The following SLC44A5 variants were observed in gnomAD, a reference collection of about 807,000 sequenced individuals.
SLC44A5 encodes the protein solute carrier family 44 member 5.
In SLC44A5, 57 loss-of-function variants were observed where a neutral mutation model predicts 101.8. That is an observed-to-expected ratio of 0.56 (90% CI 0.45 to 0.70). SLC44A5 has a LOEUF of 0.70. Among genes scored for constraint, SLC44A5 ranks in the 30% least tolerant of loss-of-function variants. SLC44A5 has a pLI of 0.00. For synonymous variants in SLC44A5, 281 were observed against 290.9 expected, an observed-to-expected ratio of 0.97 and a Z score of 0.35; for missense variants, 737 against 853.1, an observed-to-expected ratio of 0.86 and a Z score of 1.70.
chr1:75,297,909 G>A (rs553659401), intron 5 of SLC44A5, among the ~76,000 whole-genome samples: 18 of 151,950 alleles, frequency 1.2e-4, no homozygotes, highest in African/African-American at 4.3e-4. Flanking sequence ...TCCACATAAA[G>A]GGCAAAGAAC....
chr1:75,568,812 T>C (rs115805021), intron 1 of SLC44A5, among the ~76,000 whole-genome samples: 15 of 152,296 alleles, frequency 9.8e-5, no homozygotes, highest in Non-Finnish European at 1.5e-4. Context: ...TGCTTTCAAT[T>C]TCCCTTCACA....
intron 6 of SLC44A5, among the ~76,000 whole-genome samples, chr1:75,267,463 T>G (rs1651093089): frequency 1.3e-5 from 2 of 152,194 alleles, no homozygotes; most frequent in African/African-American, 2.4e-5. Context: ...GGTAGAAACT[T>G]GCAATGCACA....
intron 2 of SLC44A5, among the ~76,000 whole-genome samples, chr1:75,495,403 C>T (rs147221708): frequency 0.011 from 1,656 of 151,842 alleles, 26 homozygotes; most frequent in African/African-American, 0.038. Flanking sequence ...TGCAGTGAGC[C>T]GAGATTGCGC....
the SLC44A5 span, among the ~76,000 whole-genome samples, chr1:75,685,060 C>T: frequency 2.6e-5 from 4 of 152,182 alleles, no homozygotes; most frequent in African/African-American, 9.7e-5. Flanking sequence ...ACTGGCAGGC[C>T]CAAGACCACA....
intron 4 of SLC44A5, among the ~76,000 whole-genome samples, chr1:75,304,134 C>A (rs534610650): frequency 7.9e-5 from 12 of 151,876 alleles, no homozygotes; most frequent in Non-Finnish European, 1.3e-4. Context: ...GCAGACCATA[C>A]CCTATGGCCA....
At chr1:75,641,623 G>A in the SLC44A5 span, 1 of 1,492,288 alleles carries the variant, frequency 6.7e-7, no homozygotes, top group Non-Finnish European at 9.3e-7. Context: ...TTGGGTCACG[G>A]TTCAAAATTG....
chr1:75,498,102 T>C (rs1188584634), intron 2 of SLC44A5, among the ~76,000 whole-genome samples: 1 of 152,164 alleles, frequency 6.6e-6, no homozygotes, highest in Non-Finnish European at 1.5e-5. Flanking sequence ...ATGTATACAT[T>C]AAGACTTTTT....
At chr1:75,342,265 G>A (rs149154982) in intron 3 of SLC44A5, among the ~76,000 whole-genome samples, 8 of 152,238 alleles carry the variant, frequency 5.3e-5, no homozygotes, top group East Asian at 1.9e-4. Flanking sequence ...AGGGACTACC[G>A]TAAGTTCTTT....
At chr1:75,678,184 G>A in the SLC44A5 span, among the ~76,000 whole-genome samples, 11,687 of 152,214 alleles carry the variant, frequency 0.077, 1,510 homozygotes, top group African/African-American at 0.27. Context: ...GAGGCTGGGG[G>A]AGGGGCGCCC....
chr1:75,712,822 A>C, the SLC44A5 span, among the ~76,000 whole-genome samples: 3 of 152,240 alleles, frequency 2.0e-5, no homozygotes, highest in East Asian at 5.8e-4. Flanking sequence ...GAGGGAAAAA[A>C]ATATGAATGC....
chr1:75,213,125 C>T (rs1646891335), intron 22 of SLC44A5, among the ~76,000 whole-genome samples: 1 of 152,196 alleles, frequency 6.6e-6, no homozygotes. Context: ...TGCTACCTAT[C>T]CTGCCCTCCT....
intron 3 of SLC44A5, among the ~76,000 whole-genome samples, chr1:75,391,118 T>C (rs1195206170): frequency 6.6e-6 from 1 of 151,872 alleles, no homozygotes; most frequent in Non-Finnish European, 1.5e-5. Context: ...ATAAAATACC[T>C]AGGAATACAT....
intron 3 of SLC44A5, among the ~76,000 whole-genome samples, chr1:75,376,316 C>G (rs535638042): frequency 1.2e-3 from 182 of 152,282 alleles, no homozygotes; most frequent in South Asian, 4.8e-3. Context: ...CAGGAAGCTC[C>G]AACTGGGTGG....
intron 1 of SLC44A5, among the ~76,000 whole-genome samples, chr1:75,565,742 G>C (rs145950320): frequency 6.6e-6 from 1 of 152,120 alleles, no homozygotes; most frequent in Admixed American, 6.5e-5. Flanking sequence ...TCTAAAATGA[G>C]GGTAATAATT....
At chr1:75,528,595 T>C (rs1670554018) in intron 2 of SLC44A5, among the ~76,000 whole-genome samples, 1 of 152,162 alleles carries the variant, frequency 6.6e-6, no homozygotes, top group Non-Finnish European at 1.5e-5. Flanking sequence ...CTACCCAGTA[T>C]TATTTCCCTC....
At chr1:75,261,598 G>A (rs1650510210) in intron 6 of SLC44A5, among the ~76,000 whole-genome samples, 1 of 152,072 alleles carries the variant, frequency 6.6e-6, no homozygotes, top group South Asian at 2.1e-4. Flanking sequence ...GTACAAAGAA[G>A]AACTGGTACC....
rs1654203895 is a variant in SLC44A5, at chr1:75,298,935, A to G, written c.175+1677T>C. Among the ~76,000 whole-genome samples, 3 of 152,176 alleles carry G rather than the reference A, an allele frequency of 2.0e-5. No individual in the cohort carries two copies. The South Asian group carries it at 6.2e-4, about 31-fold the overall frequency. Reference sequence around the variant, plus strand: ...CAGGTAATGTTTCCACACTTTCCAGATAAGAAAACTGAGGTTGAGTAAGTA... The same window carrying G: ...CAGGTAATGTTTCCACACTTTCCAGGTAAGAAAACTGAGGTTGAGTAAGTA... On this transcript the variant is annotated intron_variant, in intron 5 of 23. Transcript: ENST00000370859.
intron 2 of SLC44A5, among the ~76,000 whole-genome samples, chr1:75,452,249 T>G (rs1665948087): frequency 6.6e-6 from 1 of 152,182 alleles, no homozygotes; most frequent in Non-Finnish European, 1.5e-5. Flanking sequence ...CTATTTTCAG[T>G]GTTCTTAAAG....
At chr1:75,299,695 T>A (rs1053942265) in intron 5 of SLC44A5, among the ~76,000 whole-genome samples, 3 of 151,924 alleles carry the variant, frequency 2.0e-5, no homozygotes, top group Non-Finnish European at 4.4e-5. Context: ...TTCACACTAG[T>A]CCCTTTGGTA....
Sources: gnomAD v4.1 joint callset for allele counts (sites outside exome capture counted in the v4.1 genomes callset) on GRCh38, gnomAD v4.1.1 for gene constraint, MANE v1.5 for transcripts, NCBI Gene and HGNC (gene_info 2026-07-23, HGNC 2026-07-21) for gene names.